PPARGC1B: variants seen among roughly 807,000 people sequenced by gnomAD.
PPARGC1B encodes PPARG coactivator 1 beta.
Under a neutral mutation model 101.6 loss-of-function variants are expected in PPARGC1B, and 34 were observed. The ratio of observed to expected loss-of-function variants is 0.33; its 90% CI spans 0.25 to 0.45. The LOEUF (loss-of-function observed/expected upper bound fraction) is 0.45, where lower values mean the gene tolerates loss of function less well. Ranked by LOEUF, PPARGC1B falls within the 20% of genes least tolerant of loss-of-function variation. The pLI, the probability that PPARGC1B is intolerant of heterozygous loss-of-function variation, is 1.00. For missense variants in PPARGC1B, 1,234 were observed against 1,317.6 expected, an observed-to-expected ratio of 0.94 and a Z score of 0.98; for synonymous variants, 548 against 539.3, an observed-to-expected ratio of 1.02 and a Z score of -0.22.
Position 149,766,916 on chromosome 5 carries a change from C to T in PPARGC1B, c.78+36496C>T, listed in dbSNP as rs117103879. Among the ~76,000 whole-genome samples, 73 of 152,286 alleles carry T rather than the reference C, an allele frequency of 4.8e-4. No homozygotes were observed. In the East Asian group the frequency reaches 0.014, roughly 29 times the overall value. ...TTTGAGAACCTGCATCTGGAACCAG[C>T]CCAGAGGGGTGGTAGCAGGGCTATG... is the stretch of plus-strand genomic sequence containing the variant. On this transcript the variant is annotated intron_variant, in intron 1 of 11. Transcript: ENST00000309241.
At chr5:149,840,343 C>G (rs1759283816) in intron 9 of PPARGC1B, among the ~76,000 whole-genome samples, 1 of 152,188 alleles carries the variant, frequency 6.6e-6, no homozygotes, top group African/African-American at 2.4e-5. Context: ...AAAGTTCAAC[C>G]AAGAGACTGG....
chr5:149,846,143 A>T lies in PPARGC1B; in HGVS notation c.2971+229A>T. The T allele has an allele frequency of 3.3e-6, 2 of 604,188 alleles. 1 individual carries two copies. Among genetic ancestry groups the T allele is most frequent in the South Asian group, 4.2e-5 (2 of 47,452 alleles). The allele number at this position is 604,188 out of a possible 1,614,324, so 37.4% of individuals were successfully genotyped here. A position where few individuals can be genotyped will look rare whatever the true frequency, so the allele number is the denominator to read the frequency against. ...CTGTCCTGTGACTGCTACCAAAGAGAATCCAGCCTCCCACGGCCTCTAGGA... is the reference window on the plus strand; with the variant it reads ...CTGTCCTGTGACTGCTACCAAAGAGTATCCAGCCTCCCACGGCCTCTAGGA... On this transcript the variant is annotated intron_variant, in intron 11 of 11. Transcript: ENST00000309241.
At chr5:149,765,553 A>G (rs1176985951) in intron 1 of PPARGC1B, among the ~76,000 whole-genome samples, 1 of 152,178 alleles carries the variant, frequency 6.6e-6, no homozygotes, top group Non-Finnish European at 1.5e-5. Context: ...TATCTGTTGC[A>G]GATTATGTCA....
intron 1 of PPARGC1B, among the ~76,000 whole-genome samples, chr5:149,800,420 T>C (rs4705381): frequency 0.11 from 16,933 of 152,202 alleles, 1,276 homozygotes; most frequent in Admixed American, 0.23. Flanking sequence ...GGAGCTTTGA[T>C]AGGAGTGAGG....
intron 1 of PPARGC1B, among the ~76,000 whole-genome samples, chr5:149,800,301 G>A (rs953982854): frequency 2.6e-5 from 4 of 152,214 alleles, no homozygotes; most frequent in Non-Finnish European, 4.4e-5. Context: ...CAGTGCACGA[G>A]GGGAGGGATG....
intron 1 of PPARGC1B, among the ~76,000 whole-genome samples, chr5:149,773,065 A>T (rs753941701): frequency 3.3e-5 from 5 of 151,680 alleles, no homozygotes; most frequent in Non-Finnish European, 5.9e-5. Context: ...GGTGTTTGTG[A>T]GATATTGTTC....
intron 10 of PPARGC1B, 193 bp from the exon 11 acceptor site, chr5:149,845,567 C>G: frequency 5.1e-6 from 3 of 586,220 alleles, no homozygotes; most frequent in Non-Finnish European, 8.9e-6. Context: ...GGCAGACATT[C>G]AACATATTAG....
chr5:149,788,965 C>T (rs543950648), intron 1 of PPARGC1B, among the ~76,000 whole-genome samples: 2 of 152,204 alleles, frequency 1.3e-5, no homozygotes, highest in East Asian at 3.9e-4. Context: ...TTAGGAGATA[C>T]ACCTAATGTA....
At chr5:149,745,046 C>G (rs934119844) in intron 1 of PPARGC1B, among the ~76,000 whole-genome samples, 3 of 151,930 alleles carry the variant, frequency 2.0e-5, no homozygotes, top group Non-Finnish European at 4.4e-5. Context: ...GGACTAAAGG[C>G]ATGTGCCACT....
chr5:149,808,968 C>A (rs1242719427), intron 1 of PPARGC1B, among the ~76,000 whole-genome samples: 1 of 152,112 alleles, frequency 6.6e-6, no homozygotes, highest in South Asian at 2.1e-4. Context: ...TGCCACTGAA[C>A]TGCACACTTA....
intron 1 of PPARGC1B, among the ~76,000 whole-genome samples, chr5:149,765,529 A>G (rs2113167254): frequency 6.6e-6 from 1 of 152,080 alleles, no homozygotes; most frequent in South Asian, 2.1e-4. Context: ...CCAGTGGTGA[A>G]CTCAGTTAGG....
chr5:149,791,746 A>C (rs1443481257), intron 1 of PPARGC1B, among the ~76,000 whole-genome samples: 1 of 152,234 alleles, frequency 6.6e-6, no homozygotes, highest in Non-Finnish European at 1.5e-5. Flanking sequence ...GGAGACAGTC[A>C]GTCGAGCTGC....
intron 1 of PPARGC1B, among the ~76,000 whole-genome samples, chr5:149,772,534 G>A (rs981103586): frequency 6.6e-6 from 1 of 152,156 alleles, no homozygotes; most frequent in African/African-American, 2.4e-5. Context: ...AGCAAGGGGT[G>A]GGCAGTCAGC....
chr5:149,780,422 G>A (rs10051894), intron 1 of PPARGC1B, among the ~76,000 whole-genome samples: 77,607 of 152,036 alleles, frequency 0.51, 20,292 homozygotes, highest in African/African-American at 0.62. Context: ...GCTCTCCACT[G>A]TCTCAGCATT....
downstream of PPARGC1B, chr5:149,855,076 C>T (rs1055221001): frequency 1.3e-5 from 2 of 152,232 alleles, no homozygotes; most frequent in Non-Finnish European, 2.9e-5. Flanking sequence ...TTGAGGGACA[C>T]TCTGACCACT....
At chr5:149,762,275 A>C (rs1380136840) in intron 1 of PPARGC1B, among the ~76,000 whole-genome samples, 4 of 151,878 alleles carry the variant, frequency 2.6e-5, no homozygotes, top group Non-Finnish European at 5.9e-5. Context: ...CAGCCTCCCA[A>C]GTAGCTGGGA....
intron 1 of PPARGC1B, among the ~76,000 whole-genome samples, chr5:149,797,498 G>C (rs1480834662): frequency 6.6e-6 from 1 of 152,152 alleles, no homozygotes; most frequent in Non-Finnish European, 1.5e-5. Context: ...TAATTATTAG[G>C]CATGCCACTA....
intron 1 of PPARGC1B, among the ~76,000 whole-genome samples, chr5:149,804,149 G>T (rs1757520567): frequency 1.3e-5 from 2 of 152,248 alleles, no homozygotes; most frequent in Non-Finnish European, 2.9e-5. Flanking sequence ...GTGTGAGAGA[G>T]ACTGCAGCCT....
chr5:149,845,837 G>A lies in PPARGC1B; in HGVS notation c.2894G>A (p.Arg965Lys), dbSNP rs1759532666. The change falls in exon 11 of 12, where the codon AGG (arginine) becomes AAG (lysine). Residue 965 changes from arginine (R) to lysine (K), a missense_variant. Transcript: ENST00000309241. The part of the protein sequence containing the change: ...ALSLTKGAAL[R>K]KRNEPSFQLS... ...TCTTTGACAAAGGGCGCTGCCCTGA[G>A]GAAGCGCAACGAGCCCTCCTTCCAG... 1 of 1,614,248 alleles carries A rather than the reference G, an allele frequency of 6.2e-7. No individual in the cohort carries two copies. The highest frequency in any genetic ancestry group is 8.5e-7 in the Non-Finnish European group (1 of 1,180,038).
Sources: allele counts gnomAD v4.1 joint callset (sites outside exome capture counted in the v4.1 genomes callset), GRCh38; gene constraint gnomAD v4.1.1; transcripts MANE v1.5; gene names NCBI Gene and HGNC (gene_info 2026-07-23, HGNC 2026-07-21).